SAMD12: variants seen among roughly 807,000 people sequenced by gnomAD.
SAMD12 encodes the protein sterile alpha motif domain-containing protein 12.
SAMD12 carries 9 observed loss-of-function variants against 15.0 expected under a neutral mutation model. That is an observed-to-expected ratio of 0.60 (90% CI 0.36 to 1.05). The LOEUF is 1.05. Ranked by LOEUF, SAMD12 falls within the 50% of genes least tolerant of loss-of-function variation. SAMD12 has a pLI of 0.01. For synonymous variants in SAMD12, 86 were observed against 90.1 expected (o/e 0.96, Z 0.25); for missense variants, 230 against 234.2 (o/e 0.98, Z 0.12).
At chr8:118,552,885 T>C (rs371279378) in intron 2 of SAMD12, among the ~76,000 whole-genome samples, 1,725 of 151,454 alleles carry the variant, frequency 0.011, 38 homozygotes, top group African/African-American at 0.039. Flanking sequence ...TATACACCAA[T>C]AACAGACAAA....
At chr8:118,335,229 G>T (rs916668356) in intron 4 of SAMD12, among the ~76,000 whole-genome samples, 19 of 152,136 alleles carry the variant, frequency 1.2e-4, no homozygotes, top group African/African-American at 4.3e-4. Context: ...ACTGTGCAAT[G>T]CTCCCAATGT....
At chr8:118,386,814 C>A (rs1819988381) in intron 3 of SAMD12, among the ~76,000 whole-genome samples, 1 of 152,172 alleles carries the variant, frequency 6.6e-6, no homozygotes, top group African/African-American at 2.4e-5. Context: ...GACTGCATGT[C>A]ATAAGGCATG....
At chr8:118,505,621 C>T (rs909091934) in intron 2 of SAMD12, among the ~76,000 whole-genome samples, 4 of 151,708 alleles carry the variant, frequency 2.6e-5, no homozygotes, top group Admixed American at 2.6e-4. Flanking sequence ...AGGAGAAAGA[C>T]AGAAGGAGCC....
At chr8:118,613,550 T>A (rs1469464194) in intron 1 of SAMD12, among the ~76,000 whole-genome samples, 1 of 152,216 alleles carries the variant, frequency 6.6e-6, no homozygotes, top group East Asian at 1.9e-4. Context: ...CCAAAATATT[T>A]AGAGCATCTC....
exon 5 of SAMD12, chr8:118,196,408 G>A (rs908672688): frequency 1.3e-5 from 2 of 152,064 alleles, no homozygotes; most frequent in Non-Finnish European, 2.9e-5. Flanking sequence ...GTGTTATGTA[G>A]CAAGTCAATA....
intron 4 of SAMD12, among the ~76,000 whole-genome samples, chr8:118,234,124 T>A (rs1194168188): frequency 6.6e-6 from 1 of 152,096 alleles, no homozygotes; most frequent in East Asian, 1.9e-4. Context: ...AAGGCAGAAA[T>A]TAGGGGAGAA....
chr8:118,140,675 C>T, the SAMD12 span, among the ~76,000 whole-genome samples: 1 of 152,154 alleles, frequency 6.6e-6, no homozygotes, highest in East Asian at 1.9e-4. Flanking sequence ...GAGAAACTGG[C>T]ACTCCACAAC....
intron 3 of SAMD12, among the ~76,000 whole-genome samples, chr8:118,409,054 A>G (rs1261356141): frequency 6.6e-6 from 1 of 152,090 alleles, no homozygotes; most frequent in African/African-American, 2.4e-5. Context: ...GCATGCCACC[A>G]TGCCCGGCTA....
intron 3 of SAMD12, among the ~76,000 whole-genome samples, chr8:118,415,994 C>CA (rs1466139360): frequency 1.3e-5 from 2 of 151,534 alleles, no homozygotes; most frequent in Non-Finnish European, 2.9e-5. Context: ...GGCTTTCCCC[C>CA]TTTTTTTTTC....
At chr8:118,534,694 G>T (rs946102883) in intron 2 of SAMD12, among the ~76,000 whole-genome samples, 1 of 151,896 alleles carries the variant, frequency 6.6e-6, no homozygotes, top group Admixed American at 6.6e-5. Flanking sequence ...TCATCCATTT[G>T]ATCTTCAATC....
intron 1 of SAMD12, among the ~76,000 whole-genome samples, chr8:118,599,651 T>G (rs1827809614): frequency 1.3e-5 from 2 of 152,166 alleles, no homozygotes; most frequent in Non-Finnish European, 2.9e-5. Context: ...GGATCTCCCC[T>G]CTAACTCTAG....
intron 2 of SAMD12, among the ~76,000 whole-genome samples, chr8:118,529,166 A>G (rs934953459): frequency 6.6e-6 from 1 of 152,140 alleles, no homozygotes; most frequent in Non-Finnish European, 1.5e-5. Flanking sequence ...CTTACACTAT[A>G]CCAGGAGTTC....
chr8:118,559,781 G>C, intron 2 of SAMD12, among the ~76,000 whole-genome samples: 1 of 152,066 alleles, frequency 6.6e-6, no homozygotes, highest in South Asian at 2.1e-4. Flanking sequence ...ACAAAATTAT[G>C]CATTTTAAAA....
chr8:118,458,630 C>A (rs1236819963), intron 2 of SAMD12, among the ~76,000 whole-genome samples: 1 of 152,050 alleles, frequency 6.6e-6, no homozygotes, highest in Non-Finnish European at 1.5e-5. Context: ...TTTTCTGTAC[C>A]TTTTACTCAT....
chr8:118,262,064 TACAG>T (rs1813091013), intron 4 of SAMD12, among the ~76,000 whole-genome samples: 1 of 152,068 alleles, frequency 6.6e-6, no homozygotes, highest in South Asian at 2.1e-4. Flanking sequence ...GTTAAGTGAA[TACAG>T]ACAGAGGCAG....
At chr8:118,164,688 G>T in the SAMD12 span, among the ~76,000 whole-genome samples, 1 of 144,104 alleles carries the variant, frequency 6.9e-6, no homozygotes, top group African/African-American at 2.5e-5. Flanking sequence ...TACAGCTATA[G>T]GCAATTTTTT....
intron 2 of SAMD12, among the ~76,000 whole-genome samples, chr8:118,556,247 T>A (rs1448485216): frequency 6.6e-6 from 1 of 152,236 alleles, no homozygotes; most frequent in Non-Finnish European, 1.5e-5. Flanking sequence ...TAGTATATGA[T>A]TCTTTTGTAT....
intron 2 of SAMD12, among the ~76,000 whole-genome samples, chr8:118,560,099 G>A (rs1005778201): frequency 3.3e-5 from 5 of 152,246 alleles, no homozygotes; most frequent in Non-Finnish European, 4.4e-5. Flanking sequence ...GGCTGAGAAC[G>A]GGCCTTGCCA....
chr8:118,434,359 G>C (rs1482726823), intron 3 of SAMD12, among the ~76,000 whole-genome samples: 1 of 152,156 alleles, frequency 6.6e-6, no homozygotes, highest in Non-Finnish European at 1.5e-5. Flanking sequence ...ACATCTAAAG[G>C]ATACCCATGG....
Sources: gnomAD v4.1 joint callset for allele counts (sites outside exome capture counted in the v4.1 genomes callset) on GRCh38, gnomAD v4.1.1 for gene constraint, MANE v1.5 for transcripts, NCBI Gene and HGNC (gene_info 2026-07-23, HGNC 2026-07-21) for gene names.